Variants in ELMO1 observed in about 807,000 individuals in gnomAD.
ELMO1 encodes the protein engulfment and cell motility protein 1.
In ELMO1, 26 loss-of-function variants were observed where a neutral mutation model predicts 98.9. That is an observed-to-expected ratio of 0.26 (90% CI 0.19 to 0.36). The LOEUF is 0.36. Ranked by LOEUF, ELMO1 falls within the 10% of genes least tolerant of loss-of-function variation. ELMO1 has a pLI of 1.00. For synonymous variants in ELMO1, 346 were observed against 346.0 expected, an observed-to-expected ratio of 1.00 and a Z score of 0.00; for missense variants, 627 against 935.2, an observed-to-expected ratio of 0.67 and a Z score of 4.30.
intron 1 of ELMO1, among the ~76,000 whole-genome samples, chr7:37,358,803 C>T (rs1448910114): frequency 6.6e-6 from 1 of 152,094 alleles, no homozygotes; most frequent in Non-Finnish European, 1.5e-5. Context: ...CACAAGCTGA[C>T]CAGATTTGCA....
At chr7:37,169,385 G>A (rs1166348373) in intron 13 of ELMO1, among the ~76,000 whole-genome samples, 1 of 152,166 alleles carries the variant, frequency 6.6e-6, no homozygotes, top group Non-Finnish European at 1.5e-5. Flanking sequence ...CTAGTGAGAT[G>A]AACCCGGTAC....
At chr7:37,283,251 G>A (rs1257449077) in intron 4 of ELMO1, among the ~76,000 whole-genome samples, 1 of 152,086 alleles carries the variant, frequency 6.6e-6, no homozygotes, top group Non-Finnish European at 1.5e-5. Context: ...TTCTGGAGAC[G>A]ACAAACTCGC....
chr7:37,375,588 G>T (rs1802304330), intron 1 of ELMO1: 1 of 1,120,816 alleles, frequency 8.9e-7, no homozygotes, highest in South Asian at 1.2e-5. Flanking sequence ...AGTCATGGTG[G>T]CCAAGAAGGA....
intron 13 of ELMO1, among the ~76,000 whole-genome samples, chr7:37,201,400 A>G (rs1792286623): frequency 6.6e-6 from 1 of 152,246 alleles, no homozygotes; most frequent in South Asian, 2.1e-4. Flanking sequence ...GTTAAAGCAG[A>G]AAGCAAAAAT....
At chr7:37,211,997 A>T (rs1359804439) in intron 12 of ELMO1, among the ~76,000 whole-genome samples, 1 of 152,222 alleles carries the variant, frequency 6.6e-6, no homozygotes, top group Non-Finnish European at 1.5e-5. Flanking sequence ...TCCAAGGGTA[A>T]ATGGATGAAC....
intron 6 of ELMO1, among the ~76,000 whole-genome samples, chr7:37,258,916 G>C (rs1255162597): frequency 6.6e-6 from 1 of 151,882 alleles, no homozygotes; most frequent in African/African-American, 2.4e-5. Flanking sequence ...ATAATGGCAT[G>C]ATATTTTCCC....
intron 5 of ELMO1, among the ~76,000 whole-genome samples, chr7:37,263,478 G>T (rs1796083203): frequency 6.6e-6 from 1 of 152,088 alleles, no homozygotes. Flanking sequence ...TGTGGCAGGT[G>T]GACAACTTTT....
chr7:36,949,770 C>T (rs73115399), intron 16 of ELMO1, among the ~76,000 whole-genome samples: 9,713 of 152,042 alleles, frequency 0.064, 527 homozygotes, highest in East Asian at 0.27. Flanking sequence ...TATCTCTGGC[C>T]TCTGCTCACT....
At chr7:36,919,344 C>A (rs773988940) in intron 16 of ELMO1, 3 of 530,426 alleles carry the variant, frequency 5.7e-6, no homozygotes, top group Non-Finnish European at 7.8e-6. Flanking sequence ...TGGCTGAAGA[C>A]TTTGGGACTT....
At chr7:37,175,297 G>A (rs1413360067) in intron 13 of ELMO1, among the ~76,000 whole-genome samples, 1 of 152,164 alleles carries the variant, frequency 6.6e-6, no homozygotes, top group Non-Finnish European at 1.5e-5. Context: ...AACACCTTGT[G>A]CAATGCAAAT....
At chr7:37,376,962 C>G (rs933366309) in intron 1 of ELMO1, among the ~76,000 whole-genome samples, 2 of 152,176 alleles carry the variant, frequency 1.3e-5, no homozygotes, top group East Asian at 3.8e-4. Context: ...CCTGGACTTT[C>G]AATGGAGTTA....
At chr7:37,260,234 A>G (rs1251197010) in intron 5 of ELMO1, among the ~76,000 whole-genome samples, 3 of 152,182 alleles carry the variant, frequency 2.0e-5, no homozygotes, top group African/African-American at 7.2e-5. Context: ...CTGTGGTTGA[A>G]GCACTCTGCT....
chr7:36,870,489 A>C lies in ELMO1; in HGVS notation c.1823-14T>G, dbSNP rs1049800806. On this transcript the variant is annotated splice_polypyrimidine_tract_variant and intron_variant, in intron 19 of 21. Transcript: ENST00000310758. This position sits in a 1 kb window ranked among gnomAD's most constrained non-coding sequence, Gnocchi z 4.4. The stretch of plus-strand genomic sequence containing the variant: ...CTGCCACCGGCACTGCAATTCATAA[A>C]AGAAAATGCAAGTAACTACACCATG... 3.7e-6 allele frequency: 6 copies of C among 1,612,286 alleles called. No individual in the cohort carries two copies. The highest frequency in any genetic ancestry group is 1.1e-5 in the South Asian group (1 of 90,846).
Position 36,861,707 on chromosome 7 carries a change from C to T in ELMO1, c.1935G>A (p.Leu645=). ...AGTTCAGTTGGCAGTTTGAGTCATACAAGATGGAGAAAGCGAGTTCAAGCA... is the reference window on the plus strand; with the variant it reads ...AGTTCAGTTGGCAGTTTGAGTCATATAAGATGGAGAAAGCGAGTTCAAGCA... ...KEVLELAFSI[L]YDSNCQLNFI... Residue 645 remains leucine, a synonymous_variant, in exon 21 of 22, where the codon TTG becomes TTA. Coordinates refer to ENST00000310758, the MANE Select transcript of ELMO1 (RefSeq NM_014800.11). The T allele has an allele frequency of 6.2e-7, 1 of 1,612,682 alleles. No homozygotes were observed.
intron 1 of ELMO1, among the ~76,000 whole-genome samples, chr7:37,434,688 C>T (rs1473910315): frequency 6.6e-6 from 1 of 152,164 alleles, no homozygotes; most frequent in African/African-American, 2.4e-5. Context: ...CCAATCAGGC[C>T]TCCTCTCCAG....
At chr7:37,416,579 C>T (rs1384605651) in intron 1 of ELMO1, among the ~76,000 whole-genome samples, 3 of 152,158 alleles carry the variant, frequency 2.0e-5, no homozygotes, top group Non-Finnish European at 2.9e-5. Flanking sequence ...TTCTTAGATT[C>T]CCGCCCTAAA....
intron 1 of ELMO1, among the ~76,000 whole-genome samples, chr7:37,389,052 G>A (rs778100644): frequency 1.4e-4 from 22 of 152,104 alleles, no homozygotes; most frequent in Non-Finnish European, 2.9e-4. Flanking sequence ...ACATTTTTCC[G>A]GTTTCCTCCT....
At chr7:37,426,274 C>G (rs1246002189) in intron 1 of ELMO1, among the ~76,000 whole-genome samples, 1 of 151,122 alleles carries the variant, frequency 6.6e-6, no homozygotes, top group Non-Finnish European at 1.5e-5. Context: ...CTGCCTCAGC[C>G]TCCAAAGTAG....
Position 37,165,444 on chromosome 7 carries a change from G to C in ELMO1, c.1087-32210C>G, listed in dbSNP as rs1157748180. 3.9e-5 allele frequency among the ~76,000 whole-genome samples: 6 copies of C among 152,036 alleles called. No homozygotes were observed. The South Asian group carries it at 1.0e-3, about 26-fold the overall frequency. On this transcript the variant is annotated intron_variant, in intron 13 of 21. Coordinates refer to ENST00000310758, the MANE Select transcript of ELMO1 (RefSeq NM_014800.11). ...TTCAAAGGGAATGCTTCCAGTTTTTGCCCATTCAGTATGATATTGGCTGTG... is the reference window on the plus strand; with the variant it reads ...TTCAAAGGGAATGCTTCCAGTTTTTCCCCATTCAGTATGATATTGGCTGTG...
Sources: gnomAD v4.1 joint callset for allele counts (sites outside exome capture counted in the v4.1 genomes callset) on GRCh38, gnomAD v4.1.1 for gene constraint, Gnocchi (gnomAD v3.1) non-coding constraint, MANE v1.5 for transcripts, NCBI Gene and HGNC (gene_info 2026-07-23, HGNC 2026-07-21) for gene names.